The following BPTF variants were observed in gnomAD, a reference collection of about 807,000 sequenced individuals.
BPTF encodes the protein nucleosome-remodeling factor subunit BPTF.
Under a neutral mutation model 292.5 loss-of-function variants are expected in BPTF, and 18 were observed. The observed-to-expected ratio is 0.06, with a 90% CI of 0.04 to 0.09. The LOEUF (loss-of-function observed/expected upper bound fraction) is 0.09. BPTF is among the 10% of genes least tolerant of loss of function. The pLI is 1.00. For synonymous variants in BPTF, 1,225 were observed against 1,251.9 expected, an observed-to-expected ratio of 0.98 and a Z score of 0.45; for missense variants, 2,726 against 3,498.7, an observed-to-expected ratio of 0.78 and a Z score of 5.57.
chr17:67,831,713 A>T (rs1419761358), intron 1 of BPTF, among the ~76,000 whole-genome samples: 1 of 152,120 alleles, frequency 6.6e-6, no homozygotes, highest in Non-Finnish European at 1.5e-5. Context: ...TGGGTGACAC[A>T]GGAGCAAATC....
intron 2 of BPTF, among the ~76,000 whole-genome samples, chr17:67,856,237 C>G (rs138599625): frequency 2.6e-4 from 40 of 151,966 alleles, no homozygotes; most frequent in African/African-American, 8.9e-4. Flanking sequence ...GTCGTCCAAC[C>G]CTGTTATCCA....
chr17:67,853,853 A>G, intron 1 of BPTF, 87 bp from the exon 2 acceptor site: 1 of 964,158 alleles, frequency 1.0e-6, no homozygotes, highest in Non-Finnish European at 1.6e-6. Flanking sequence ...GTACTTATGT[A>G]TTTTAGGGGG....
At chr17:67,839,006 T>G (rs2057350622) in intron 1 of BPTF, among the ~76,000 whole-genome samples, 1 of 152,196 alleles carries the variant, frequency 6.6e-6, no homozygotes, top group Non-Finnish European at 1.5e-5. Context: ...AATTTTACTC[T>G]AGGAATAAAG....
chr17:67,941,734 C>G (rs969523020), intron 19 of BPTF, among the ~76,000 whole-genome samples: 2 of 152,032 alleles, frequency 1.3e-5, no homozygotes, highest in Non-Finnish European at 1.5e-5. Context: ...GATGAAAGTC[C>G]TAACTGTGAA....
In BPTF at chr17:67,831,633, TGACTAAAGACCCTTA is replaced by T. The variant is rs1213531536; in HGVS notation, c.613+5297_613+5311del. ...TCCTCAAGACCCTGTGTCTTCCCTT[TGACTAAAGACCCTTA>T]ATGGTGGAGACATGGGGGTGAGAGA... On this transcript the variant is annotated intron_variant, in intron 1 of 27. Transcript: ENST00000306378. 3.3e-5 allele frequency among the ~76,000 whole-genome samples: 5 copies of T among 152,246 alleles called. No individual in the cohort carries two copies. In the East Asian group the frequency reaches 9.7e-4, roughly 29 times the overall value.
Position 67,886,486 on chromosome 17 carries a change from A to T in BPTF, c.1865-5358A>T, listed in dbSNP as rs1170195293. ...TAGATGTTCTTTTCCTTTATTTTTC[A>T]TTTTTTTTTTAAACACAGCACTTGC... is the stretch of plus-strand genomic sequence containing the variant. On this transcript the variant is annotated intron_variant, in intron 4 of 27. Transcript: ENST00000306378. Among the ~76,000 whole-genome samples, 17 of 137,922 alleles carry T rather than the reference A, an allele frequency of 1.2e-4. No homozygotes were observed. The East Asian group carries it at 1.2e-3, about 10-fold the overall frequency. The allele number at this position is 137,922 out of a possible 152,430, so 90.5% of individuals were successfully genotyped here. A position where few individuals can be genotyped will look rare whatever the true frequency, so the allele number is the denominator to read the frequency against.
chr17:67,868,730 T>G (rs1464476795), intron 3 of BPTF, among the ~76,000 whole-genome samples: 5 of 152,216 alleles, frequency 3.3e-5, no homozygotes, highest in African/African-American at 1.2e-4. Context: ...TGCTTAAAAA[T>G]AGAATGTTTA....
chr17:67,957,992 T>C (rs1409354290), intron 23 of BPTF, among the ~76,000 whole-genome samples: 1 of 152,166 alleles, frequency 6.6e-6, no homozygotes, highest in Non-Finnish European at 1.5e-5. Context: ...TACCACTAGA[T>C]AGCAGAAGAG....
At chr17:67,967,130 A>G (rs1191532541) in intron 26 of BPTF, among the ~76,000 whole-genome samples, 1 of 105,176 alleles carries the variant, frequency 9.5e-6, no homozygotes, top group Non-Finnish European at 2.1e-5. Flanking sequence ...ATAAAGTTTA[A>G]TTGTGCATAC....
intron 2 of BPTF, among the ~76,000 whole-genome samples, chr17:67,862,813 C>CTT (rs11325305): frequency 6.9e-5 from 9 of 129,798 alleles, no homozygotes; most frequent in South Asian, 2.5e-4. Context: ...AAAATCCTTG[C>CTT]TTTTTTTTTT....
At chr17:67,859,687 TA>T (rs1170047844) in intron 2 of BPTF, among the ~76,000 whole-genome samples, 1 of 152,252 alleles carries the variant, frequency 6.6e-6, no homozygotes, top group Admixed American at 6.5e-5. Flanking sequence ...CCAATGCTTA[TA>T]ACTTGGGGAG....
intron 23 of BPTF, among the ~76,000 whole-genome samples, chr17:67,958,425 T>C (rs1422017018): frequency 2.0e-5 from 3 of 151,938 alleles, no homozygotes; most frequent in Admixed American, 6.6e-5. Flanking sequence ...ATTAAAACTT[T>C]TTAAAAAATA....
chr17:67,933,479 G>A (rs946873162), intron 18 of BPTF, among the ~76,000 whole-genome samples: 5 of 151,872 alleles, frequency 3.3e-5, no homozygotes, highest in Admixed American at 6.6e-5. Context: ...TGAGATGGGA[G>A]GATTGCTTGA....
At chr17:67,898,098 A>C (rs1338605904) in intron 7 of BPTF, among the ~76,000 whole-genome samples, 1 of 152,238 alleles carries the variant, frequency 6.6e-6, no homozygotes, top group African/African-American at 2.4e-5. Flanking sequence ...GGCTGGATGC[A>C]GTGGCTGACA....
rs202089667 is a variant in BPTF at position 67,910,455 on chromosome 17, T to TA, written c.2993-413dup. Among the ~76,000 whole-genome samples the TA allele has an allele frequency of 6.3e-4, 96 of 151,546 alleles. 1 individual carries two copies. The East Asian group carries it at 0.011, about 17-fold the overall frequency. On this transcript the variant is annotated intron_variant, in intron 10 of 27. Coordinates refer to ENST00000306378, the MANE Select transcript of BPTF (RefSeq NM_182641.4). ...ATTGTCTTTTGTAACAAGTCATTTTTAAAAAAAAACTAGATAAGCTAGATA... is the reference window on the plus strand; with the variant it reads ...ATTGTCTTTTGTAACAAGTCATTTTTAAAAAAAAAACTAGATAAGCTAGATA...
intron 3 of BPTF, among the ~76,000 whole-genome samples, chr17:67,872,553 A>C (rs11869819): frequency 0.2 from 30,955 of 151,922 alleles, 3,960 homozygotes; most frequent in East Asian, 0.66. Context: ...TAAAAACATA[A>C]AAATTAGCCA....
At chr17:67,826,406 T>A in intron 1 of BPTF, 69 bp downstream of exon 1, 1 of 1,469,412 alleles carries the variant, frequency 6.8e-7, no homozygotes, top group East Asian at 2.5e-5. Flanking sequence ...TGCTCACTCG[T>A]GTGCTGTGCA....
At chr17:67,858,592 T>TTGTC (rs2058868901) in intron 2 of BPTF, among the ~76,000 whole-genome samples, 1 of 147,930 alleles carries the variant, frequency 6.8e-6, no homozygotes, top group Non-Finnish European at 1.5e-5. Context: ...TACTGCTGTG[T>TTGTC]TGTCATTGTA....
chr17:67,917,969 G>A (rs1473461474), intron 11 of BPTF, among the ~76,000 whole-genome samples: 2 of 152,010 alleles, frequency 1.3e-5, no homozygotes, highest in African/African-American at 4.8e-5. Context: ...CCACCACCGC[G>A]CCTGGCTAAT....
Sources: gnomAD v4.1 joint callset for allele counts (sites outside exome capture counted in the v4.1 genomes callset) on GRCh38, gnomAD v4.1.1 for gene constraint, MANE v1.5 for transcripts, NCBI Gene and HGNC (gene_info 2026-07-23, HGNC 2026-07-21) for gene names.